The following MAP2K3 variants were observed in gnomAD, a reference collection of about 807,000 sequenced individuals.
The protein encoded by MAP2K3 is mitogen-activated protein kinase kinase 3, also known as dual specificity mitogen-activated protein kinase kinase 3.
Under a neutral mutation model 46.4 loss-of-function variants are expected in MAP2K3, and 30 were observed. That is an observed-to-expected ratio of 0.65 (90% CI 0.48 to 0.88). The LOEUF (loss-of-function observed/expected upper bound fraction) is 0.88, where lower values mean the gene tolerates loss of function less well. Ranked by LOEUF, MAP2K3 falls within the 40% of genes least tolerant of loss-of-function variation. The pLI is 0.00. For missense variants in MAP2K3, 380 were observed against 464.5 expected (o/e 0.82, Z 1.67); for synonymous variants, 189 against 176.3 (o/e 1.07, Z -0.57).
intron 1 of MAP2K3, among the ~76,000 whole-genome samples, chr17:21,292,767 G>A (rs9747328): frequency 0.19 from 23,102 of 123,844 alleles, 2 homozygotes; most frequent in Middle Eastern, 0.22. Flanking sequence ...GATTACAGGC[G>A]TGAGCCACCT....
At position 21,298,930 on chromosome 17, in the gene MAP2K3, G is replaced by A; in HGVS notation, c.165+4G>A. ...CTTCATCACCATTGGAGACAGAGTAGGTGCCAGCCGCCACCCCTGCAGGGC... is the reference window on the plus strand; with the variant it reads ...CTTCATCACCATTGGAGACAGAGTAAGTGCCAGCCGCCACCCCTGCAGGGC... On this transcript the variant is annotated splice_donor_region_variant and intron_variant, in intron 3 of 11. Transcript: ENST00000342679. 6.2e-7 allele frequency: 1 copy of A among 1,614,262 alleles called. No individual in the cohort carries two copies. The highest frequency in any genetic ancestry group is 8.5e-7 in the Non-Finnish European group (1 of 1,180,058).
chr17:21,299,389 C>A (rs1976460234), intron 3 of MAP2K3, among the ~76,000 whole-genome samples: 1 of 152,312 alleles, frequency 6.6e-6, no homozygotes, highest in African/African-American at 2.4e-5. Context: ...CCAACAGAAA[C>A]CCTACTCCCA....
At chr17:21,301,024 T>G (rs1358547507) in intron 5 of MAP2K3, 31 bp downstream of exon 5, 1 of 1,613,646 alleles carries the variant, frequency 6.2e-7, no homozygotes, top group African/African-American at 1.3e-5. Flanking sequence ...GCTGGGGATC[T>G]CCACCTCCCA....
At chr17:21,290,936 T>C (rs1281689523) in intron 1 of MAP2K3, among the ~76,000 whole-genome samples, 1 of 152,142 alleles carries the variant, frequency 6.6e-6, no homozygotes, top group Non-Finnish European at 1.5e-5. Flanking sequence ...AGTGAGACCC[T>C]GTCTGTTTAA....
intron 9 of MAP2K3, among the ~76,000 whole-genome samples, chr17:21,311,499 T>A (rs1384029100): frequency 6.6e-6 from 1 of 152,038 alleles, no homozygotes; most frequent in South Asian, 2.1e-4. Flanking sequence ...AGGCCACTTG[T>A]CTAGGAGGGA....
At chr17:21,311,608 C>CTCTGTGTGTGTG (rs1491218305) in intron 9 of MAP2K3, 6 of 143,666 alleles carry the variant, frequency 4.2e-5, no homozygotes, top group Non-Finnish European at 6.1e-5. Context: ...TTGGAGACAG[C>CTCTGTGTGTGTG]TGTGTGTGTG....
chr17:21,312,358 C>T, intron 10 of MAP2K3, 77 bp downstream of exon 10: 1 of 1,424,378 alleles, frequency 7.0e-7, no homozygotes, highest in Non-Finnish European at 9.3e-7. Context: ...GGCCCTGTTC[C>T]TTTATTCCTT....
intron 1 of MAP2K3, among the ~76,000 whole-genome samples, chr17:21,293,294 C>T (rs937540437): frequency 1.3e-5 from 2 of 152,306 alleles, no homozygotes; most frequent in Non-Finnish European, 2.9e-5. Flanking sequence ...GCCACTCTGC[C>T]CGGGGTCCTC....
intron 1 of MAP2K3, among the ~76,000 whole-genome samples, chr17:21,296,707 A>G (rs1025110682): frequency 6.6e-6 from 1 of 152,312 alleles, no homozygotes; most frequent in African/African-American, 2.4e-5. Context: ...CTGGAGTCAC[A>G]GATGAGAAGG....
Position 21,302,151 on chromosome 17 carries a change from G to A in MAP2K3, c.408G>A (p.Val136=). ...CTGGGTGTCACCCACAGGGAGACGTGTGGATCTGCATGGAGCTCATGGACA... is the reference window on the plus strand; with the variant it reads ...CTGGGTGTCACCCACAGGGAGACGTATGGATCTGCATGGAGCTCATGGACA... ...FYGALFREGD[V]WICMELMDTS... is the part of the protein sequence containing the mutation. The change falls in exon 6 of 12, where the codon GTG becomes GTA. Residue 136 remains valine (V), a synonymous_variant. Transcript: ENST00000342679. The A allele has an allele frequency of 2.5e-6, 4 of 1,614,272 alleles. No individual in the cohort carries two copies. The highest frequency in any genetic ancestry group is 3.4e-6 in the Non-Finnish European group (4 of 1,180,030).
At chr17:21,287,985 G>A (rs559069517) in intron 1 of MAP2K3, 23 of 1,267,108 alleles carry the variant, frequency 1.8e-5, no homozygotes, top group East Asian at 5.6e-5. Context: ...CTCTTGTGAC[G>A]CACAGGAAAC....
At chr17:21,299,586 G>GT (rs962069231) in intron 3 of MAP2K3, among the ~76,000 whole-genome samples, 3 of 152,276 alleles carry the variant, frequency 2.0e-5, no homozygotes, top group Non-Finnish European at 4.4e-5. Flanking sequence ...AGAGTATGAG[G>GT]TAGGAGGATT....
rs376700600 is a variant in MAP2K3 at position 21,300,792 on chromosome 17, C to T, written c.280-82C>T. The T allele has an allele frequency of 7.4e-6, 12 of 1,611,574 alleles. No individual in the cohort carries two copies. In the African/African-American group the frequency reaches 1.5e-4, roughly 20 times the overall value. On this transcript the variant is annotated intron_variant, in intron 4 of 11. Transcript: ENST00000342679. ...TTTGGGGCACACTGGGCAGTGGCCC[C>T]CTGAGCTCCTGGCCCTCCTGTCATG...
chr17:21,284,991 C>T (rs1341893849), intron 1 of MAP2K3, 22 bp downstream of exon 1: 2 of 1,602,604 alleles, frequency 1.2e-6, no homozygotes, highest in African/African-American at 2.7e-5. Context: ...CGGCCGGGAC[C>T]TCGGCCTGAC....
At chr17:21,302,098 A>C (rs770858855) in intron 5 of MAP2K3, 45 bp from the exon 6 acceptor site, 4 of 1,601,068 alleles carry the variant, frequency 2.5e-6, no homozygotes, top group Non-Finnish European at 3.4e-6. Context: ...TGGTGCAGAC[A>C]CGGGCAGCCC....
At position 21,314,739 on chromosome 17, in the gene MAP2K3, A is replaced by G. The variant is rs1170124887; in HGVS notation, c.*509A>G. The G allele has an allele frequency of 6.4e-6, 1 of 155,234 alleles. No individual in the cohort carries two copies. Among genetic ancestry groups the G allele is most frequent in the Non-Finnish European group, 1.4e-5 (1 of 69,812 alleles). 9.6% of individuals were successfully genotyped at this position (155,234 alleles called of 1,614,324 possible). A position where few individuals can be genotyped will look rare whatever the true frequency, so the allele number is the denominator to read the frequency against. The stretch of plus-strand genomic sequence containing the variant: ...GTTGTGTGAATACCCCAAGACTCCC[A>G]TGAGGGAGATGCCATGAGCCGCCCA... On this transcript the variant is annotated 3_prime_UTR_variant, in exon 12 of 12. Transcript: ENST00000342679.
chr17:21,294,540 G>A (rs1337499503), intron 1 of MAP2K3, among the ~76,000 whole-genome samples: 2 of 152,310 alleles, frequency 1.3e-5, no homozygotes, highest in Non-Finnish European at 2.9e-5. Context: ...GGCTGTTGCT[G>A]TTTGGACGTT....
intron 1 of MAP2K3, among the ~76,000 whole-genome samples, chr17:21,297,359 G>A (rs1976315781): frequency 6.6e-6 from 1 of 152,304 alleles, no homozygotes; most frequent in Admixed American, 6.5e-5. Context: ...GGAGTGGCGG[G>A]TGGTGGGTGA....
intron 1 of MAP2K3, chr17:21,295,584 C>T (rs1412775671): frequency 7.8e-7 from 1 of 1,274,730 alleles, no homozygotes; most frequent in African/African-American, 1.5e-5. Context: ...TAGGCTGTCT[C>T]CATGACGGCC....
Sources: gnomAD v4.1 joint callset for allele counts (sites outside exome capture counted in the v4.1 genomes callset) on GRCh38, gnomAD v4.1.1 for gene constraint, MANE v1.5 for transcripts, NCBI Gene and HGNC (gene_info 2026-07-23, HGNC 2026-07-21) for gene names.